Variants in GADL1 observed in about 807,000 individuals in gnomAD.
The protein encoded by GADL1 is acidic amino acid decarboxylase GADL1.
GADL1 carries 71 observed loss-of-function variants against 69.5 expected under a neutral mutation model. The observed-to-expected ratio is 1.02, with a 90% CI of 0.84 to 1.25. The LOEUF is 1.25. GADL1 is among the 50% of genes most tolerant of loss of function. The pLI, the probability that GADL1 is intolerant of heterozygous loss-of-function variation, is 0.00. For missense variants in GADL1, 737 were observed against 631.8 expected, an observed-to-expected ratio of 1.17 and a Z score of -1.79; for synonymous variants, 254 against 214.4, an observed-to-expected ratio of 1.18 and a Z score of -1.62.
chr3:30,815,055 C>CT (rs1697439203), intron 11 of GADL1, among the ~76,000 whole-genome samples: 1 of 151,950 alleles, frequency 6.6e-6, no homozygotes, highest in African/African-American at 2.4e-5. Context: ...GATACTTAAA[C>CT]TGGGAGATAA....
intron 14 of GADL1, among the ~76,000 whole-genome samples, chr3:30,760,407 T>C (rs1696099279): frequency 6.6e-6 from 1 of 152,174 alleles, no homozygotes; most frequent in African/African-American, 2.4e-5. Context: ...TCTGTGAAAC[T>C]CCTAAATTCT....
intron 12 of GADL1, chr3:30,799,908 G>C (rs1054195385): frequency 1.2e-4 from 19 of 152,234 alleles, no homozygotes; most frequent in African/African-American, 3.4e-4. Context: ...TTCCCAACAA[G>C]TTCCTCATCT....
chr3:30,737,310 G>A (rs1005692182), intron 14 of GADL1, among the ~76,000 whole-genome samples: 1 of 152,086 alleles, frequency 6.6e-6, no homozygotes, highest in Non-Finnish European at 1.5e-5. Flanking sequence ...GAAGAGGGGA[G>A]AGGAAATTGA....
chr3:30,856,400 G>T (rs1189027112), intron 3 of GADL1, among the ~76,000 whole-genome samples: 1 of 151,976 alleles, frequency 6.6e-6, no homozygotes, highest in East Asian at 1.9e-4. Flanking sequence ...TCACATTACT[G>T]CACGTACAAA....
chr3:30,778,411 C>T (rs1382403617), intron 13 of GADL1, 143 bp from the exon 14 acceptor site: 2 of 605,312 alleles, frequency 3.3e-6, no homozygotes, highest in African/African-American at 3.7e-5. Flanking sequence ...GAGTAACAAT[C>T]CCTTCTGCCT....
chr3:30,845,216 G>C (rs1379581672), intron 6 of GADL1, among the ~76,000 whole-genome samples: 1 of 152,132 alleles, frequency 6.6e-6, no homozygotes, highest in Non-Finnish European at 1.5e-5. Context: ...ATGGAATTAA[G>C]TCTGGTCTAT....
chr3:30,777,045 C>T lies in GADL1; in HGVS notation c.1392+1134G>A, dbSNP rs529852196. Among the ~76,000 whole-genome samples, 21 of 152,256 alleles carry T rather than the reference C, an allele frequency of 1.4e-4. No homozygotes were observed. The South Asian group carries it at 3.9e-3, about 29-fold the overall frequency. On this transcript the variant is annotated intron_variant, in intron 14 of 14. Transcript: ENST00000282538. Reference sequence around the variant, plus strand: ...ACAGTTAATCTCCATTCAGGTACTTCTTGGTTACCTTGTGATTGTCTCTTT... The same window carrying T: ...ACAGTTAATCTCCATTCAGGTACTTTTTGGTTACCTTGTGATTGTCTCTTT...
chr3:30,865,270 T>C (rs1438974856), intron 1 of GADL1, among the ~76,000 whole-genome samples: 1 of 144,860 alleles, frequency 6.9e-6, no homozygotes, highest in African/African-American at 2.7e-5. Context: ...GGATATATAA[T>C]ACCCACGTAA....
chr3:30,815,943 A>G (rs1697459967), intron 11 of GADL1, among the ~76,000 whole-genome samples: 1 of 152,064 alleles, frequency 6.6e-6, no homozygotes, highest in Non-Finnish European at 1.5e-5. Flanking sequence ...GGCCGTGAGC[A>G]TGTTATTTAT....
At chr3:30,892,051 G>A (rs1469732434) in intron 1 of GADL1, among the ~76,000 whole-genome samples, 14 of 152,156 alleles carry the variant, frequency 9.2e-5, no homozygotes, top group Non-Finnish European at 2.9e-5. Context: ...AGAATGGAAA[G>A]TTGTGCTATT....
rs114599679 is a variant in GADL1, at chr3:30,833,670, A to G, written c.1050+183T>C. ...ATCAAATCCACAAAATTACCTGAGC[A>G]GAATCACTAAATATTTTATCTAGGC... On this transcript the variant is annotated intron_variant, in intron 11 of 14. Transcript: ENST00000282538. Among the ~76,000 whole-genome samples, 476 of 152,236 alleles carry G rather than the reference A, an allele frequency of 3.1e-3. 7 individuals are homozygous for G. Among genetic ancestry groups the G allele is most frequent in the Non-Finnish European group, 3.8e-3 (258 of 67,982 alleles).
At chr3:30,742,270 G>A (rs1695636892) in intron 14 of GADL1, among the ~76,000 whole-genome samples, 2 of 150,904 alleles carry the variant, frequency 1.3e-5, no homozygotes, top group African/African-American at 4.9e-5. Flanking sequence ...ATAGTTATTG[G>A]AACATTAAGT....
At chr3:30,764,424 A>G (rs1696219901) in intron 14 of GADL1, among the ~76,000 whole-genome samples, 1 of 152,216 alleles carries the variant, frequency 6.6e-6, no homozygotes, top group Non-Finnish European at 1.5e-5. Flanking sequence ...ACAAGACTCC[A>G]GTGCATTATA....
In GADL1 at chr3:30,740,736, TTC is replaced by T. The variant is rs1272206358; in HGVS notation, c.1393-12323_1393-12322del. ...TCTTTTTGTGAAATGCCTATTTATG[TTC>T]TTTGTATATTTTTGTTTTGGGTGAT... On this transcript the variant is annotated intron_variant, in intron 14 of 14. Transcript: ENST00000282538. 6.6e-5 allele frequency among the ~76,000 whole-genome samples: 10 copies of T among 151,772 alleles called. No individual in the cohort carries two copies. The South Asian group carries it at 2.1e-3, about 31-fold the overall frequency.
At chr3:30,786,298 A>G in intron 13 of GADL1, 57 bp downstream of exon 13, 1 of 1,010,276 alleles carries the variant, frequency 9.9e-7, no homozygotes, top group Non-Finnish European at 1.6e-6. Context: ...TAAGAAAATT[A>G]CCACCTTCAT....
At position 30,786,359 on chromosome 3, in the gene GADL1, A is replaced by G. The variant is rs756434773; in HGVS notation, c.1298T>C (p.Met433Thr). The G allele has an allele frequency of 5.1e-6, 8 of 1,556,244 alleles. No homozygotes were observed. The highest frequency in any genetic ancestry group is 1.4e-5 in the African/African-American group (1 of 73,470). Reference protein sequence around the residue: ...IKKREGFKLLMEPEYANICFW... With the variant: ...IKKREGFKLLTEPEYANICFW... ...CACAATTATGCAATCACTTACTTCC[A>G]TCAGTAACTTGAATCCTTCTCTTTT... Residue 433 changes from methionine to threonine, a missense_variant, in exon 13 of 15, where the codon ATG (methionine) becomes ACG (threonine). Physicochemically the swap from Met to Thr is moderately conservative, Grantham distance 81. Coordinates refer to ENST00000282538, the MANE Select transcript of GADL1 (RefSeq NM_207359.3).
chr3:30,835,597 A>G (rs1184785978), intron 9 of GADL1, among the ~76,000 whole-genome samples: 1 of 152,030 alleles, frequency 6.6e-6, no homozygotes, highest in African/African-American at 2.4e-5. Context: ...CAGGGTGCAT[A>G]ATTCAAGGAA....
At chr3:30,790,629 G>A (rs994287934) in intron 12 of GADL1, among the ~76,000 whole-genome samples, 5 of 152,100 alleles carry the variant, frequency 3.3e-5, no homozygotes, top group Non-Finnish European at 7.4e-5. Flanking sequence ...ATGATAGAAA[G>A]TTGCTATAAA....
chr3:30,829,352 C>T (rs1697747582), intron 11 of GADL1, among the ~76,000 whole-genome samples: 1 of 151,872 alleles, frequency 6.6e-6, no homozygotes. Context: ...AACTACCAGT[C>T]AATCAGGAAA....
Sources: gnomAD v4.1 joint callset for allele counts (sites outside exome capture counted in the v4.1 genomes callset) on GRCh38, gnomAD v4.1.1 for gene constraint, MANE v1.5 for transcripts, NCBI Gene and HGNC (gene_info 2026-07-23, HGNC 2026-07-21) for gene names.